EDRF1: variants seen among roughly 807,000 people sequenced by gnomAD.
EDRF1 encodes the protein erythroid differentiation regulatory factor 1, also known as erythroid differentiation-related factor 1.
Under a neutral mutation model 148.7 loss-of-function variants are expected in EDRF1, and 69 were observed. The observed-to-expected ratio is 0.46, with a 90% CI of 0.38 to 0.57. The LOEUF is 0.57. EDRF1 is among the 20% of genes least tolerant of loss of function. EDRF1 has a pLI of 0.00. For synonymous variants in EDRF1, 515 were observed against 532.8 expected (o/e 0.97, Z 0.46); for missense variants, 1,118 against 1,478.7 (o/e 0.76, Z 4.00).
intron 7 of EDRF1, 64 bp from the exon 8 acceptor site, chr10:125,729,294 A>G (rs1406213919): frequency 8.2e-6 from 13 of 1,588,742 alleles, no homozygotes; most frequent in Non-Finnish European, 1.0e-5. Flanking sequence ...TAGTCTTTTT[A>G]TGGATCATGG....
At chr10:125,740,349 A>G in intron 15 of EDRF1, 114 bp from the exon 16 acceptor site, 1 of 1,061,278 alleles carries the variant, frequency 9.4e-7, no homozygotes, top group Non-Finnish European at 1.4e-6. Flanking sequence ...AGTATTTACC[A>G]GTCTTGTCAC....
At chr10:125,749,381 G>T in intron 21 of EDRF1, 31 bp from the exon 22 acceptor site, 2 of 1,614,142 alleles carry the variant, frequency 1.2e-6, no homozygotes, top group East Asian at 4.5e-5. Flanking sequence ...TTACCGTGAA[G>T]GATTTGTTGC....
chr10:125,726,036 A>G (rs1467642962), intron 6 of EDRF1, among the ~76,000 whole-genome samples, 198 bp downstream of exon 6: 1 of 152,162 alleles, frequency 6.6e-6, no homozygotes, highest in Non-Finnish European at 1.5e-5. Flanking sequence ...TACAAGAGCT[A>G]TTATAGGTGG....
Position 125,749,470 on chromosome 10 carries a change from A to G in EDRF1, c.3182A>G (p.Lys1061Arg). 1 of 1,614,210 alleles carries G rather than the reference A, an allele frequency of 6.2e-7. No homozygotes were observed. Among genetic ancestry groups the G allele is most frequent in the Non-Finnish European group, 8.5e-7 (1 of 1,180,032 alleles). The stretch of plus-strand genomic sequence containing the variant: ...GTGCTGGCAGATCTTCATTACAGCA[A>G]GGCCGCAAAGCTGTTTCAGCTGCTG... ...HRVLADLHYS[K>R]AAKLFQLLKD... Residue 1061 changes from lysine to arginine, a missense_variant, in exon 22 of 25, where the codon AAG (lysine) becomes AGG (arginine). Transcript: ENST00000356792.
At chr10:125,738,176 GTC>G in intron 14 of EDRF1, 117 bp from the exon 15 acceptor site, 1 of 1,421,990 alleles carries the variant, frequency 7.0e-7, no homozygotes, top group Admixed American at 1.7e-5. Context: ...GTTTTTGAAA[GTC>G]TGTTTGTGAG....
chr10:125,743,066 T>A lies in EDRF1; in HGVS notation c.2380T>A (p.Trp794Arg). 1 of 1,613,680 alleles carries A rather than the reference T, an allele frequency of 6.2e-7. No homozygotes were observed. Among genetic ancestry groups the A allele is most frequent in the Middle Eastern group, 1.7e-4 (1 of 5,872 alleles). ...HRESSCQGFA[W>R]ATDLSTDLES... ...CCCTTTTTTCTTTTCAGGATTTGCA[T>A]GGGCAACTGATTTGTCTACAGACTT... is the stretch of plus-strand genomic sequence containing the variant. The change falls in exon 18 of 25, where the codon TGG becomes AGG. Residue 794 changes from tryptophan (W) to arginine (R), a missense_variant. Physicochemically the swap from Trp to Arg is moderately radical, Grantham distance 101. Coordinates refer to ENST00000356792, the MANE Select transcript of EDRF1 (RefSeq NM_001202438.2).
chr10:125,720,789 C>T lies in EDRF1; in HGVS notation c.109-415C>T, dbSNP rs550991450. On this transcript the variant is annotated intron_variant, in intron 1 of 24. Coordinates refer to ENST00000356792, the MANE Select transcript of EDRF1 (RefSeq NM_001202438.2). ...TTGCTCCACTGCACCCTAGCCTGGG[C>T]GACAAAGCAAGACTGCGTCTCAAAA... 9.8e-5 allele frequency among the ~76,000 whole-genome samples: 14 copies of T among 142,202 alleles called. No individual in the cohort carries two copies. The South Asian group carries it at 2.7e-3, about 28-fold the overall frequency. The allele number at this position is 142,202 out of a possible 152,430, so 93.3% of individuals were successfully genotyped here.
chr10:125,739,296 A>C (rs139806385), intron 15 of EDRF1, among the ~76,000 whole-genome samples: 69 of 152,244 alleles, frequency 4.5e-4, no homozygotes, highest in Middle Eastern at 3.4e-3. Flanking sequence ...TTCGGCCTAC[A>C]GGCAGTAAGG....
chr10:125,737,328 T>C (rs1221798663), intron 13 of EDRF1, among the ~76,000 whole-genome samples: 2 of 152,196 alleles, frequency 1.3e-5, no homozygotes, highest in Non-Finnish European at 2.9e-5. Flanking sequence ...TAGTTAGCCT[T>C]TCCTTATCCT....
At chr10:125,726,400 G>A (rs1317337708) in intron 6 of EDRF1, among the ~76,000 whole-genome samples, 1 of 152,182 alleles carries the variant, frequency 6.6e-6, no homozygotes, top group African/African-American at 2.4e-5. Context: ...AAAAGAGAAT[G>A]AACTAGGTTG....
intron 12 of EDRF1, 59 bp downstream of exon 12, chr10:125,734,242 T>A: frequency 4.6e-6 from 6 of 1,305,830 alleles, no homozygotes; most frequent in Non-Finnish European, 5.5e-6. Context: ...AGGAGATTGT[T>A]ACCTAGACAG....
intron 18 of EDRF1, chr10:125,745,351 T>TC: frequency 3.8e-6 from 1 of 265,908 alleles, no homozygotes; most frequent in Non-Finnish European, 7.3e-6. Context: ...CACAGGGCCT[T>TC]CTCTCTGTGC....
chr10:125,751,464 A>G (rs1160982153), intron 22 of EDRF1, among the ~76,000 whole-genome samples: 1 of 145,082 alleles, frequency 6.9e-6, no homozygotes, highest in African/African-American at 2.6e-5. Context: ...CCTAATGTCT[A>G]TATTGTCTGG....
At chr10:125,730,955 G>C (rs118137003) in intron 9 of EDRF1, among the ~76,000 whole-genome samples, 31 of 152,204 alleles carry the variant, frequency 2.0e-4, no homozygotes, top group African/African-American at 7.5e-4. Context: ...ACCAACCTGG[G>C]CAACGTAGTG....
intron 3 of EDRF1, 97 bp downstream of exon 3, chr10:125,723,231 T>A: frequency 9.2e-7 from 1 of 1,082,178 alleles, no homozygotes; most frequent in Non-Finnish European, 1.4e-6. Context: ...GTGCAAGTCT[T>A]GAGAAATTAG....
chr10:125,761,030 T>A (rs942031777), intron 24 of EDRF1, among the ~76,000 whole-genome samples: 1 of 152,184 alleles, frequency 6.6e-6, no homozygotes, highest in Non-Finnish European at 1.5e-5. Context: ...CTGGAACCAA[T>A]CCTCCACAGA....
rs141672047 is a variant in EDRF1, at chr10:125,725,687, A to G, written c.641A>G (p.Asn214Ser). The G allele has an allele frequency of 6.6e-5, 107 of 1,614,150 alleles. No individual in the cohort carries two copies. Among genetic ancestry groups the G allele is most frequent in the East Asian group, 1.1e-4 (5 of 44,886 alleles). ...ILSKFLYYSINGDGAAQPVSS... is the reference protein window; with the variant it reads ...ILSKFLYYSISGDGAAQPVSS... ...TTTATTTCTGGTTTGGCCAGTATCA[A>G]TGGTGATGGAGCCGCTCAGCCTGTC... The change falls in exon 6 of 25, where the codon AAT becomes AGT. Residue 214 changes from asparagine (N) to serine (S), a missense_variant. Transcript: ENST00000356792.
chr10:125,762,489 TA>T (rs546420898), intron 24 of EDRF1, among the ~76,000 whole-genome samples: 778 of 140,980 alleles, frequency 5.5e-3, no homozygotes, highest in South Asian at 6.6e-3. Flanking sequence ...TGGACTCATT[TA>T]AAAAAAAAAA....
chr10:125,733,670 A>G lies in EDRF1; in HGVS notation c.1312A>G (p.Thr438Ala). 7.4e-6 allele frequency: 12 copies of G among 1,613,582 alleles called. No homozygotes were observed. The highest frequency in any genetic ancestry group is 1.7e-5 in the Admixed American group (1 of 60,006). Residue 438 changes from threonine (T) to alanine (A), a missense_variant, in exon 11 of 25, where the codon ACT becomes GCT. Physicochemically the swap from Thr to Ala is moderately conservative, Grantham distance 58. Coordinates refer to ENST00000356792, the MANE Select transcript of EDRF1 (RefSeq NM_001202438.2). ...GSDIVKLYDL[T>A]TLCEETEDKY... is the part of the protein sequence containing the mutation. ...CGATATAGTGAAGCTCTATGACCTC[A>G]CTACTCTTTGTGAAGAAACTGAAGA...
Sources: gnomAD v4.1 joint callset for allele counts (sites outside exome capture counted in the v4.1 genomes callset) on GRCh38, gnomAD v4.1.1 for gene constraint, MANE v1.5 for transcripts, NCBI Gene and HGNC (gene_info 2026-07-23, HGNC 2026-07-21) for gene names.